ASCC3: variants seen among roughly 807,000 people sequenced by gnomAD.
The protein encoded by ASCC3 is ASC-1 complex subunit P200.
A neutral mutation model predicts 256.3 loss-of-function variants in ASCC3; 158 were observed. The observed-to-expected ratio is 0.62, with a 90% CI of 0.54 to 0.70. The LOEUF (loss-of-function observed/expected upper bound fraction) is 0.70, where lower values mean the gene tolerates loss of function less well. Among genes scored for constraint, ASCC3 ranks in the 30% least tolerant of loss-of-function variants. ASCC3 has a pLI of 0.00. For synonymous variants in ASCC3, 948 were observed against 883.4 expected, an observed-to-expected ratio of 1.07 and a Z score of -1.30; for missense variants, 2,259 against 2,626.0, an observed-to-expected ratio of 0.86 and a Z score of 3.05.
chr6:100,701,920 A>G (rs1489215650), intron 13 of ASCC3, among the ~76,000 whole-genome samples: 1 of 152,154 alleles, frequency 6.6e-6, no homozygotes, highest in Non-Finnish European at 1.5e-5. Context: ...GGGATGAAAG[A>G]AGGCGTGGGA....
intron 40 of ASCC3, among the ~76,000 whole-genome samples, chr6:100,510,839 T>A (rs1773723184): frequency 6.6e-6 from 1 of 152,220 alleles, no homozygotes; most frequent in African/African-American, 2.4e-5. Flanking sequence ...ACAATGACTT[T>A]ATGGCATAAA....
chr6:100,581,471 T>A (rs561939786), intron 36 of ASCC3, among the ~76,000 whole-genome samples: 2,213 of 152,288 alleles, frequency 0.015, 42 homozygotes, highest in African/African-American at 0.051. Context: ...TCATTGTAGA[T>A]TCTGGATATT....
intron 13 of ASCC3, among the ~76,000 whole-genome samples, chr6:100,691,350 C>CAGTAAAAAAAA (rs1777839975): frequency 6.6e-6 from 1 of 151,842 alleles, no homozygotes; most frequent in African/African-American, 2.4e-5. Context: ...TGCATTTCTC[C>CAGTAAAAAAAA]TTTACTGTAA....
intron 20 of ASCC3, among the ~76,000 whole-genome samples, chr6:100,649,784 A>G (rs1217090538): frequency 1.3e-5 from 2 of 151,712 alleles, no homozygotes; most frequent in Non-Finnish European, 3.0e-5. Flanking sequence ...ACTCAATAAA[A>G]TAAAATTAAA....
chr6:100,623,452 T>G (rs1228714168), intron 30 of ASCC3, among the ~76,000 whole-genome samples: 2 of 152,182 alleles, frequency 1.3e-5, no homozygotes, highest in Non-Finnish European at 2.9e-5. Context: ...CACAATAATG[T>G]AATACATACA....
At chr6:100,545,543 G>A (rs1192974344) in intron 36 of ASCC3, among the ~76,000 whole-genome samples, 1 of 152,056 alleles carries the variant, frequency 6.6e-6, no homozygotes, top group Non-Finnish European at 1.5e-5. Flanking sequence ...TCTCCCCTAA[G>A]ATCTGGAACA....
At chr6:100,661,359 A>ACACACACACACAC (rs1491295311) in intron 16 of ASCC3, among the ~76,000 whole-genome samples, 19 of 149,996 alleles carry the variant, frequency 1.3e-4, no homozygotes, top group Middle Eastern at 3.4e-3. Flanking sequence ...ACACACACAC[A>ACACACACACACAC]AAACAAATGA....
chr6:100,786,203 C>T (rs1411020933), intron 8 of ASCC3, among the ~76,000 whole-genome samples: 4 of 152,166 alleles, frequency 2.6e-5, no homozygotes, highest in African/African-American at 7.2e-5. Flanking sequence ...TTAACAATAA[C>T]TCAACATGTC....
At chr6:100,586,760 A>G (rs1249882883) in intron 36 of ASCC3, among the ~76,000 whole-genome samples, 1 of 152,180 alleles carries the variant, frequency 6.6e-6, no homozygotes, top group East Asian at 1.9e-4. Flanking sequence ...AAAAATCTTA[A>G]TGAACCTAAT....
At chr6:100,715,635 G>A in intron 12 of ASCC3, 102 bp from the exon 13 acceptor site, 1 of 896,962 alleles carries the variant, frequency 1.1e-6, no homozygotes, top group South Asian at 1.4e-5. Flanking sequence ...TAAGCTTTCA[G>A]GCTATCTAGA....
intron 34 of ASCC3, 84 bp downstream of exon 34, chr6:100,601,726 G>C: frequency 6.6e-7 from 1 of 1,519,788 alleles, no homozygotes; most frequent in Non-Finnish European, 9.0e-7. Context: ...TTTTTTGTAT[G>C]TACCTTAATT....
chr6:100,548,435 T>C (rs1017900560), intron 36 of ASCC3, among the ~76,000 whole-genome samples: 8 of 151,962 alleles, frequency 5.3e-5, no homozygotes, highest in Admixed American at 4.6e-4. Context: ...TAAATCCTTA[T>C]GAAAAAATTT....
At chr6:100,536,697 C>T (rs1156516442) in intron 37 of ASCC3, among the ~76,000 whole-genome samples, 1 of 152,078 alleles carries the variant, frequency 6.6e-6, no homozygotes, top group Non-Finnish European at 1.5e-5. Flanking sequence ...GAACTCCTGG[C>T]CTCAGTGATC....
intron 13 of ASCC3, among the ~76,000 whole-genome samples, chr6:100,682,378 T>C (rs146386944): frequency 4.1e-4 from 62 of 152,302 alleles, no homozygotes; most frequent in African/African-American, 1.2e-3. Context: ...ACTTGATAAA[T>C]ATTTACTAGG....
At chr6:100,828,083 A>G (rs1196463046) in intron 4 of ASCC3, among the ~76,000 whole-genome samples, 1 of 114,614 alleles carries the variant, frequency 8.7e-6, no homozygotes, top group Non-Finnish European at 1.8e-5. Context: ...GCTGACACAC[A>G]GTATTTTCTA....
intron 30 of ASCC3, among the ~76,000 whole-genome samples, chr6:100,614,519 A>C (rs557437106): frequency 6.6e-6 from 1 of 152,268 alleles, no homozygotes; most frequent in East Asian, 1.9e-4. Flanking sequence ...GTTTCCTATT[A>C]TTCTCTTTCA....
At chr6:100,572,470 GCTAAGGTATGA>G (rs1238125054) in intron 36 of ASCC3, among the ~76,000 whole-genome samples, 5 of 152,084 alleles carry the variant, frequency 3.3e-5, no homozygotes, top group Non-Finnish European at 2.9e-5. Context: ...CTAAATAATA[GCTAAGGTATGA>G]GGACTACTGG....
chr6:100,876,997 C>T (rs566109548), intron 1 of ASCC3, among the ~76,000 whole-genome samples: 4 of 152,120 alleles, frequency 2.6e-5, no homozygotes, highest in Non-Finnish European at 5.9e-5. Context: ...GCTAGAATTC[C>T]AGTACACACT....
At chr6:100,790,410 C>A (rs1010067281) in intron 8 of ASCC3, among the ~76,000 whole-genome samples, 1 of 151,934 alleles carries the variant, frequency 6.6e-6, no homozygotes, top group Non-Finnish European at 1.5e-5. Context: ...CAATGCTTTG[C>A]ATCAATCATG....
Sources: gnomAD v4.1 joint callset for allele counts (sites outside exome capture counted in the v4.1 genomes callset) on GRCh38, gnomAD v4.1.1 for gene constraint, MANE v1.5 for transcripts, NCBI Gene and HGNC (gene_info 2026-07-23, HGNC 2026-07-21) for gene names.